Variants in SRGAP2 observed in about 807,000 individuals in gnomAD.
SRGAP2 encodes the protein SLIT-ROBO Rho GTPase-activating protein 2.
In SRGAP2, 15 loss-of-function variants were observed where a neutral mutation model predicts 57.2. That is an observed-to-expected ratio of 0.26 (90% CI 0.18 to 0.40). The LOEUF (loss-of-function observed/expected upper bound fraction) is 0.40, where lower values mean the gene tolerates loss of function less well. Ranked by LOEUF, SRGAP2 falls within the 10% of genes least tolerant of loss-of-function variation. The probability of loss-of-function intolerance (pLI) is 1.00; values close to 1 mark genes in which losing one functional copy is unlikely to be tolerated. For synonymous variants in SRGAP2, 249 were observed against 248.0 expected (o/e 1.00, Z -0.04); for missense variants, 520 against 669.6 (o/e 0.78, Z 2.47).
At chr1:206,412,646 G>A (rs1427767254) in intron 10 of SRGAP2, among the ~76,000 whole-genome samples, 3 of 152,000 alleles carry the variant, frequency 2.0e-5, no homozygotes, top group African/African-American at 4.8e-5. Flanking sequence ...TGGCCCCCGT[G>A]ATCTCCAGAA....
chr1:206,369,938 A>G (rs1553342292), intron 4 of SRGAP2, among the ~76,000 whole-genome samples: 2 of 150,912 alleles, frequency 1.3e-5, no homozygotes, highest in African/African-American at 4.9e-5. Flanking sequence ...TGCTCACACA[A>G]GAACTTATAC....
intron 22 of SRGAP2, among the ~76,000 whole-genome samples, chr1:206,460,657 A>G (rs1165434852): frequency 6.6e-6 from 1 of 152,096 alleles, no homozygotes; most frequent in Non-Finnish European, 1.5e-5. Context: ...CCAAAAGCAG[A>G]CAGAACTGGA....
rs1370162295 is a variant in SRGAP2, at chr1:206,289,079, T to A, written c.68-14202T>A. Among the ~76,000 whole-genome samples the A allele has an allele frequency of 1.1e-4, 12 of 107,072 alleles. No individual in the cohort carries two copies. The Middle Eastern group carries it at 0.012, about 104-fold the overall frequency. 70.2% of individuals were successfully genotyped at this position (107,072 alleles called of 152,430 possible). A position where few individuals can be genotyped will look rare whatever the true frequency, so the allele number is the denominator to read the frequency against. ...TTTAAAAACTTTTTATTATAAAAAA[T>A]TTCAAATATATACAGTAGAGAGACT... On this transcript the variant is annotated intron_variant, in intron 2 of 22. Coordinates refer to ENST00000573034, the MANE Select transcript of SRGAP2 (RefSeq NM_015326.5).
At chr1:206,354,910 A>G (rs2102968592) in intron 4 of SRGAP2, among the ~76,000 whole-genome samples, 1 of 150,850 alleles carries the variant, frequency 6.6e-6, no homozygotes, top group Non-Finnish European at 1.5e-5. Context: ...AATCTTTTAA[A>G]TTTTATAGTA....
chr1:206,275,528 C>CAATT (rs1488102258), intron 2 of SRGAP2, among the ~76,000 whole-genome samples: 2 of 126,976 alleles, frequency 1.6e-5, no homozygotes, highest in Non-Finnish European at 3.3e-5. Context: ...CCCTAGAGAG[C>CAATT]AATTCCTTTG....
chr1:206,422,267 G>A (rs1660389205), intron 13 of SRGAP2, among the ~76,000 whole-genome samples: 1 of 152,202 alleles, frequency 6.6e-6, no homozygotes, highest in Middle Eastern at 3.2e-3. Flanking sequence ...CATTAAGCTG[G>A]GGAACTTGGA....
intron 2 of SRGAP2, among the ~76,000 whole-genome samples, chr1:206,300,944 A>G (rs1671838067): frequency 6.6e-6 from 1 of 152,184 alleles, no homozygotes; most frequent in Non-Finnish European, 1.5e-5. Context: ...GGGACCTGAC[A>G]GCCTTACTGC....
At chr1:206,435,447 C>A (rs1661643811) in intron 14 of SRGAP2, among the ~76,000 whole-genome samples, 1 of 152,206 alleles carries the variant, frequency 6.6e-6, no homozygotes. Flanking sequence ...GCTGAGCGGT[C>A]CTGATGCAAT....
intron 21 of SRGAP2, chr1:206,455,449 C>G (rs782143060): frequency 4.5e-6 from 1 of 220,604 alleles, no homozygotes; most frequent in Non-Finnish European, 9.2e-6. Flanking sequence ...CGTGTTCGTG[C>G]AAAGATTCAG....
Position 206,463,664 on chromosome 1 carries a change from C to T in SRGAP2, c.*2244C>T, listed in dbSNP as rs1664397381. ...CATCCGCGCTAATTTGCATCATGAA[C>T]TGAACAGTGTGTGAGTGGTCACCTA... On this transcript the variant is annotated 3_prime_UTR_variant, in exon 23 of 23. Transcript: ENST00000573034. 1 of 152,630 alleles carries T rather than the reference C, an allele frequency of 6.6e-6. No homozygotes were observed. The highest frequency in any genetic ancestry group is 2.4e-5 in the African/African-American group (1 of 41,446). The allele number at this position is 152,630 out of a possible 1,614,324, so 9.5% of individuals were successfully genotyped here. A position where few individuals can be genotyped will look rare whatever the true frequency, so the allele number is the denominator to read the frequency against.
At chr1:206,418,006 C>T (rs1428312904) in intron 11 of SRGAP2, among the ~76,000 whole-genome samples, 3 of 151,236 alleles carry the variant, frequency 2.0e-5, no homozygotes, top group Non-Finnish European at 4.4e-5. Context: ...GGTTTACTCA[C>T]ACATTTATGC....
intron 3 of SRGAP2, among the ~76,000 whole-genome samples, chr1:206,305,804 G>T (rs1169801445): frequency 3.3e-5 from 5 of 151,692 alleles, no homozygotes; most frequent in African/African-American, 1.2e-4. Context: ...TCTGTGCAAT[G>T]AAGATGGGGT....
rs781961814 is a variant in SRGAP2 at position 206,458,921 on chromosome 1, C to T, written c.2806C>T (p.Pro936Ser). The change falls in exon 22 of 23, where the codon CCC (proline) becomes TCC (serine). Residue 936 changes from proline to serine, a missense_variant. Pro to Ser is a moderately conservative substitution (Grantham distance 74). Transcript: ENST00000573034. ...GRSKSFNNHR[P>S]MDPEVIAQDI... ...GTCAAAAAGCTTCAATAACCATCGG[C>T]CCATGGACCCTGAGGTCATTGCTCA... The T allele has an allele frequency of 2.6e-6, 2 of 776,906 alleles. No homozygotes were observed. Among genetic ancestry groups the T allele is most frequent in the Non-Finnish European group, 4.8e-6 (2 of 416,090 alleles). The allele number at this position is 776,906 out of a possible 1,614,324, so 48.1% of individuals were successfully genotyped here.
chr1:206,454,509 C>T lies in SRGAP2; in HGVS notation c.2361-369C>T, dbSNP rs1288415767. ...CCTTACCCGGCAGTGCTCAGGACCT[C>T]AGCCGATAAACCACAACCTGGACTT... On this transcript the variant is annotated intron_variant, in intron 20 of 22. Transcript: ENST00000573034. The surrounding 1 kb of genome is among the most constrained non-coding windows in gnomAD (Gnocchi z 4.3). 4.7e-6 allele frequency: 2 copies of T among 422,318 alleles called. No individual in the cohort carries two copies. The highest frequency in any genetic ancestry group is 4.0e-5 in the African/African-American group (2 of 49,414). 26.2% of individuals were successfully genotyped at this position (422,318 alleles called of 1,614,324 possible). A position where few individuals can be genotyped will look rare whatever the true frequency, so the allele number is the denominator to read the frequency against.
intron 2 of SRGAP2, among the ~76,000 whole-genome samples, chr1:206,227,351 T>C (rs1206984793): frequency 6.6e-6 from 1 of 152,246 alleles, no homozygotes. Flanking sequence ...AAGGCATATA[T>C]GTGGGATTAT....
At chr1:206,359,996 C>T (rs1452631864) in intron 4 of SRGAP2, among the ~76,000 whole-genome samples, 3 of 150,612 alleles carry the variant, frequency 2.0e-5, no homozygotes, top group East Asian at 3.9e-4. Flanking sequence ...TTAGTAGAGA[C>T]GGGGTTTCAC....
intron 3 of SRGAP2, among the ~76,000 whole-genome samples, chr1:206,321,222 C>G (rs1400406562): frequency 7.0e-6 from 1 of 143,604 alleles, no homozygotes; most frequent in African/African-American, 2.9e-5. Context: ...CTGATAATTT[C>G]CTTATTATTA....
rs577828901 is a variant in SRGAP2, at chr1:206,428,900, G to A, written c.1495-1262G>A. On this transcript the variant is annotated intron_variant, in intron 13 of 22. Coordinates refer to ENST00000573034, the MANE Select transcript of SRGAP2 (RefSeq NM_015326.5). ...TGATCTCAAGTGATCTGCTGGCCTC[G>A]GCCTCTCAAAGTGCTGGGATTACAG... Among the ~76,000 whole-genome samples the A allele has an allele frequency of 1.0e-3, 156 of 152,058 alleles. 1 individual carries two copies. The highest frequency in any genetic ancestry group is 1.2e-3 in the Non-Finnish European group (83 of 67,980).
chr1:206,268,385 C>G (rs200217355), intron 2 of SRGAP2, among the ~76,000 whole-genome samples: 2 of 149,904 alleles, frequency 1.3e-5, no homozygotes, highest in East Asian at 3.9e-4. Flanking sequence ...ATGGTTTCAT[C>G]CATGTCCCTA....
Sources: gnomAD v4.1 joint callset for allele counts (sites outside exome capture counted in the v4.1 genomes callset) on GRCh38, gnomAD v4.1.1 for gene constraint, Gnocchi (gnomAD v3.1) non-coding constraint, MANE v1.5 for transcripts, NCBI Gene and HGNC (gene_info 2026-07-23, HGNC 2026-07-21) for gene names.